The following B4GALNT3 variants were observed in gnomAD, a reference collection of about 807,000 sequenced individuals.
B4GALNT3 encodes beta-1,4-N-acetyl-galactosaminyltransferase 3.
In B4GALNT3, 86 loss-of-function variants were observed where a neutral mutation model predicts 120.2. That is an observed-to-expected ratio of 0.72 (90% confidence interval 0.60 to 0.86). The LOEUF (loss-of-function observed/expected upper bound fraction) is 0.86, where lower values mean the gene tolerates loss of function less well. Among genes scored for constraint, B4GALNT3 ranks in the 40% least tolerant of loss-of-function variants. The pLI is 0.00. For synonymous variants in B4GALNT3, 518 were observed against 510.4 expected, an observed-to-expected ratio of 1.01 and a Z score of -0.20; for missense variants, 1,167 against 1,298.9, an observed-to-expected ratio of 0.90 and a Z score of 1.56.
At chr12:533,887 G>A (rs1946832436) in intron 1 of B4GALNT3, among the ~76,000 whole-genome samples, 1 of 152,188 alleles carries the variant, frequency 6.6e-6, no homozygotes, top group Non-Finnish European at 1.5e-5. Flanking sequence ...CTCGTGCATA[G>A]CGTGGGTGGC....
Position 544,341 on chromosome 12 carries a change from C to T in B4GALNT3, c.354C>T (p.Phe118=). Residue 118 remains phenylalanine (F), a splice_region_variant and synonymous_variant, in exon 4 of 20, where the codon TTC becomes TTT. Coordinates refer to ENST00000266383, the MANE Select transcript of B4GALNT3 (RefSeq NM_173593.4). The stretch of plus-strand genomic sequence containing the variant: ...CCACTGGCGTCTCCGCCCTGCAGTT[C>T]CGGGGCCGTGCCAACCTGCATGTGT... ...WNKPVPWLSE[F]RGRANLHVFE... 11 of 1,613,386 alleles carry T rather than the reference C, an allele frequency of 6.8e-6. No individual in the cohort carries two copies. The highest frequency in any genetic ancestry group is 9.3e-6 in the Non-Finnish European group (11 of 1,179,850).
At chr12:546,814 G>A (rs1424269487) in intron 7 of B4GALNT3, 101 bp downstream of exon 7, 4 of 1,201,732 alleles carry the variant, frequency 3.3e-6, no homozygotes, top group Non-Finnish European at 4.8e-6. Flanking sequence ...CAGAGCTTCC[G>A]TGTGTCCGGC....
intron 12 of B4GALNT3, 33 bp from the exon 13 acceptor site, chr12:552,434 G>T: frequency 6.2e-7 from 1 of 1,600,252 alleles, no homozygotes; most frequent in Non-Finnish European, 8.6e-7. Context: ...GCCATGCACC[G>T]GGTGCCAATG....
Position 548,401 on chromosome 12 carries a change from GA to G in B4GALNT3, c.853+105del, listed in dbSNP as rs1947034977. ...GGGGAGGAGGGGAGGAAGGAAGCTC[GA>G]GATGCTTGGGACACGGGTATGAAGG... On this transcript the variant is annotated intron_variant, in intron 9 of 19. Transcript: ENST00000266383. The surrounding 1 kb of genome is among the most constrained non-coding windows in gnomAD (Gnocchi z 4.9). 4 of 1,072,840 alleles carry G rather than the reference GA, an allele frequency of 3.7e-6. No homozygotes were observed. In the East Asian group the frequency reaches 1.0e-4, roughly 27 times the overall value. 66.5% of individuals were successfully genotyped at this position (1,072,840 alleles called of 1,614,324 possible). A position where few individuals can be genotyped will look rare whatever the true frequency, so the allele number is the denominator to read the frequency against.
intron 5 of B4GALNT3, 195 bp downstream of exon 5, chr12:545,167 C>T (rs1352772391): frequency 5.5e-6 from 8 of 1,442,356 alleles, no homozygotes; most frequent in Non-Finnish European, 7.3e-6. Flanking sequence ...TGGTTTGCAG[C>T]CTGGAACCAG....
chr12:512,968 T>TTTCTTCCACCTTCCACCTTCCACA, intron 1 of B4GALNT3, among the ~76,000 whole-genome samples: 1 of 47,290 alleles, frequency 2.1e-5, no homozygotes, highest in Admixed American at 2.1e-4. Context: ...CACCTTCCAC[T>TTTCTTCCACCTTCCACCTTCCACA]TTCCACCTTC....
At chr12:466,810 A>G (rs1241128073) in intron 1 of B4GALNT3, among the ~76,000 whole-genome samples, 2 of 152,204 alleles carry the variant, frequency 1.3e-5, no homozygotes, top group African/African-American at 2.4e-5. Flanking sequence ...TAACTACAAA[A>G]GGCCTGATAC....
intron 1 of B4GALNT3, among the ~76,000 whole-genome samples, chr12:467,212 A>G (rs1946090260): frequency 6.6e-6 from 1 of 152,138 alleles, no homozygotes; most frequent in African/African-American, 2.4e-5. Flanking sequence ...GCTCAGTGAC[A>G]GGAGTGAGCC....
intron 1 of B4GALNT3, among the ~76,000 whole-genome samples, chr12:480,369 G>A (rs1946227261): frequency 1.0e-5 from 1 of 95,294 alleles, no homozygotes; most frequent in Admixed American, 1.0e-4. Flanking sequence ...CTGTGACTTT[G>A]AGCAGGTCAG....
rs189103872 is a variant in B4GALNT3 at position 490,994 on chromosome 12, A to T, written c.169+30449A>T. Among the ~76,000 whole-genome samples the T allele has an allele frequency of 7.1e-4, 108 of 151,442 alleles. 2 individuals carry two copies. Among genetic ancestry groups the T allele is most frequent in the African/African-American group, 2.5e-3 (102 of 41,008 alleles). On this transcript the variant is annotated intron_variant, in intron 1 of 19. Coordinates refer to ENST00000266383, the MANE Select transcript of B4GALNT3 (RefSeq NM_173593.4). Reference sequence around the variant, plus strand: ...ATTTCTCTACAATCTCTTCTAGAAGATAGAAGCAGAGGGAATACTACCTAA... The same window carrying T: ...ATTTCTCTACAATCTCTTCTAGAAGTTAGAAGCAGAGGGAATACTACCTAA...
intron 1 of B4GALNT3, among the ~76,000 whole-genome samples, chr12:502,867 C>T (rs1315250374): frequency 6.6e-6 from 1 of 152,172 alleles, no homozygotes; most frequent in African/African-American, 2.4e-5. Flanking sequence ...AATCCTACCA[C>T]CTCAGCCTCC....
chr12:534,875 A>G (rs528277869), intron 1 of B4GALNT3, among the ~76,000 whole-genome samples: 1 of 152,330 alleles, frequency 6.6e-6, no homozygotes, highest in Admixed American at 6.5e-5. Context: ...CCGGGGGAGA[A>G]CGAGCTGGTA....
intron 14 of B4GALNT3, among the ~76,000 whole-genome samples, chr12:554,719 G>T (rs7137781): frequency 7.4e-6 from 1 of 134,696 alleles, no homozygotes; most frequent in Non-Finnish European, 1.6e-5. Flanking sequence ...GAACCCGGGA[G>T]GCGGAGCTTG....
intron 1 of B4GALNT3, among the ~76,000 whole-genome samples, chr12:488,834 AAAG>A (rs1246354711): frequency 6.6e-6 from 1 of 151,992 alleles, no homozygotes; most frequent in African/African-American, 2.4e-5. Context: ...AAAAGAAAGA[AAAG>A]AAAAAAGAAA....
chr12:496,427 C>G (rs1183889819), intron 1 of B4GALNT3, among the ~76,000 whole-genome samples: 1 of 152,016 alleles, frequency 6.6e-6, no homozygotes, highest in African/African-American at 2.4e-5. Flanking sequence ...TGGTGAAACC[C>G]CGTATCTACT....
At chr12:473,283 C>T (rs958852130) in intron 1 of B4GALNT3, among the ~76,000 whole-genome samples, 1 of 152,154 alleles carries the variant, frequency 6.6e-6, no homozygotes, top group Non-Finnish European at 1.5e-5. Flanking sequence ...ACTTACCAAC[C>T]CCTTCTACAT....
chr12:530,317 G>A lies in B4GALNT3; in HGVS notation c.170-4849G>A, dbSNP rs148850153. On this transcript the variant is annotated intron_variant, in intron 1 of 19. Transcript: ENST00000266383. ...AACAGGGTTTAGGATTTATACTTACGTGAGAACTTAGTCTGAATTTTTTGT... is the reference window on the plus strand; with the variant it reads ...AACAGGGTTTAGGATTTATACTTACATGAGAACTTAGTCTGAATTTTTTGT... Among the ~76,000 whole-genome samples the A allele has an allele frequency of 2.8e-3, 433 of 152,370 alleles. 2 individuals carry two copies. Among genetic ancestry groups the A allele is most frequent in the Admixed American group, 5.0e-3 (77 of 15,310 alleles).
chr12:505,049 C>A (rs978853378), intron 1 of B4GALNT3, among the ~76,000 whole-genome samples: 1 of 152,086 alleles, frequency 6.6e-6, no homozygotes, highest in Non-Finnish European at 1.5e-5. Flanking sequence ...CACCACCACG[C>A]CTGGCTAATG....
chr12:506,507 G>A (rs995885689), intron 1 of B4GALNT3, among the ~76,000 whole-genome samples: 1 of 151,860 alleles, frequency 6.6e-6, no homozygotes, highest in Admixed American at 6.6e-5. Flanking sequence ...AATATTAAAA[G>A]GTGCTTTCAC....
Sources: gnomAD v4.1 joint callset for allele counts (sites outside exome capture counted in the v4.1 genomes callset) on GRCh38, gnomAD v4.1.1 for gene constraint, Gnocchi (gnomAD v3.1) non-coding constraint, MANE v1.5 for transcripts, NCBI Gene and HGNC (gene_info 2026-07-23, HGNC 2026-07-21) for gene names.